GALC: variants seen among roughly 807,000 people sequenced by gnomAD.
The protein encoded by GALC is galactocerebrosidase.
A neutral mutation model predicts 91.8 loss-of-function variants in GALC; 77 were observed. That is an observed-to-expected ratio of 0.84 (90% CI 0.70 to 1.01). The LOEUF is 1.01. Ranked by LOEUF, GALC falls within the 50% of genes least tolerant of loss-of-function variation. The pLI, the probability that GALC is intolerant of heterozygous loss-of-function variation, is 0.00. For missense variants in GALC, 882 were observed against 855.9 expected, an observed-to-expected ratio of 1.03 and a Z score of -0.38; for synonymous variants, 357 against 306.7, an observed-to-expected ratio of 1.16 and a Z score of -1.71.
At chr14:87,993,231 A>T, upstream of GALC, 3 of 1,546,474 alleles carry the variant, frequency 1.9e-6, no homozygotes, top group Admixed American at 2.0e-5. Context: ...AGATACGGGC[A>T]GGAGGCCGCT....
At chr14:87,949,267 A>G (rs1340620357) in intron 12 of GALC, among the ~76,000 whole-genome samples, 1 of 152,066 alleles carries the variant, frequency 6.6e-6, no homozygotes, top group East Asian at 1.9e-4. Flanking sequence ...AAGAGAGGCC[A>G]GTTTAGTAGG....
chr14:87,943,596 A>G (rs943941654), intron 14 of GALC, among the ~76,000 whole-genome samples: 3 of 152,028 alleles, frequency 2.0e-5, no homozygotes, highest in Non-Finnish European at 4.4e-5. Flanking sequence ...TTGTTCTGCC[A>G]CTTACAAGTG....
At chr14:87,992,670 C>A (rs1252430276) in intron 1 of GALC, 11 of 1,438,670 alleles carry the variant, frequency 7.6e-6, no homozygotes, top group Non-Finnish European at 1.0e-5. Context: ...ACGAGGGTTC[C>A]AGCCCCGGCT....
rs189853719 is a variant in GALC at position 87,987,949 on chromosome 14, G to A, written c.328+195C>T. 1.1e-3 allele frequency: 615 copies of A among 573,444 alleles called. 5 individuals are homozygous for A. The highest frequency in any genetic ancestry group is 4.7e-4 in the Non-Finnish European group (154 of 326,264). The allele number at this position is 573,444 out of a possible 1,614,324, so 35.5% of individuals were successfully genotyped here. A position where few individuals can be genotyped will look rare whatever the true frequency, so the allele number is the denominator to read the frequency against. Reference sequence around the variant, plus strand: ...ATAAGCAATTTGAAGTTTGAATATTGTTTTTGATGGACCAGTCATATTCTA... The same window carrying A: ...ATAAGCAATTTGAAGTTTGAATATTATTTTTGATGGACCAGTCATATTCTA... On this transcript the variant is annotated intron_variant, in intron 3 of 16. Transcript: ENST00000261304.
intron 10 of GALC, among the ~76,000 whole-genome samples, chr14:87,956,599 C>T (rs745739474): frequency 0.44 from 51,004 of 116,556 alleles, 9,171 homozygotes; most frequent in Non-Finnish European, 0.5. Context: ...TATATACACA[C>T]ACACACACAC....
chr14:87,945,631 C>A lies in GALC; in HGVS notation c.1592G>T (p.Arg531Leu), dbSNP rs200378205. 2.5e-6 allele frequency: 4 copies of A among 1,610,354 alleles called. No homozygotes were observed. The highest frequency in any genetic ancestry group is 3.4e-6 in the Non-Finnish European group (4 of 1,176,966). The stretch of plus-strand genomic sequence containing the variant: ...AATGGGTCTCTGGTTGAGAACTTGG[C>A]GTAGCGTGAAGTGATGCTCGCCAGG... ...EDPGEHHFTLRQVLNQRPITW... is the reference protein window; with the variant it reads ...EDPGEHHFTLLQVLNQRPITW... The change falls in exon 14 of 17, where the codon CGC becomes CTC. Residue 531 changes from arginine (R) to leucine (L), a missense_variant. Physicochemically the swap from Arg to Leu is moderately radical, Grantham distance 102. Coordinates refer to ENST00000261304, the MANE Select transcript of GALC (RefSeq NM_000153.4).
In GALC at chr14:87,936,914, T is replaced by TATATATATATATATATATATATATATA. The variant is rs60680373; in HGVS notation, c.1912-2037_1912-2036insTATATATATATATATATATATATATAT. Among the ~76,000 whole-genome samples the TATATATATATATATATATATATATATA allele has an allele frequency of 2.6e-3, 274 of 105,582 alleles. 34 individuals are homozygous for TATATATATATATATATATATATATATA. Among genetic ancestry groups the TATATATATATATATATATATATATATA allele is most frequent in the African/African-American group, 9.0e-3 (230 of 25,556 alleles). 69.3% of individuals were successfully genotyped at this position (105,582 alleles called of 152,430 possible). On this transcript the variant is annotated intron_variant, in intron 16 of 16. Coordinates refer to ENST00000261304, the MANE Select transcript of GALC (RefSeq NM_000153.4). ...TCAGGTACTATATATATATATATAT[T>TATATATATATATATATATATATATATA]TATTTATTTTCTCATTGAATCTTCA...
chr14:87,973,878 CAAATG>C (rs762166062), intron 7 of GALC, among the ~76,000 whole-genome samples: 1 of 152,042 alleles, frequency 6.6e-6, no homozygotes, highest in Non-Finnish European at 1.5e-5. Context: ...CAGGCATTGC[CAAATG>C]TCCGTCTGGG....
chr14:87,982,969 G>C (rs1248259813), intron 5 of GALC, among the ~76,000 whole-genome samples: 1 of 152,158 alleles, frequency 6.6e-6, no homozygotes, highest in African/African-American at 2.4e-5. Context: ...CATTACTTGT[G>C]ACTGTACCAT....
In GALC at chr14:87,941,415, T is replaced by C; in HGVS notation, c.1814A>G (p.Tyr605Cys). Residue 605 changes from tyrosine (Y) to cysteine (C), a missense_variant, in exon 15 of 17, where the codon TAC becomes TGC. Tyr to Cys is a radical substitution (Grantham distance 194, BLOSUM62 -2). Transcript: ENST00000261304. ...IFFWIFANGSYRVTGDLAGWI... is the reference protein window; with the variant it reads ...IFFWIFANGSCRVTGDLAGWI... ...GTTACCTAAATCACCTGTAACCCTGTAAGATCCATTTGCAAAAATCCAGAA... is the reference window on the plus strand; with the variant it reads ...GTTACCTAAATCACCTGTAACCCTGCAAGATCCATTTGCAAAAATCCAGAA... 3.1e-6 allele frequency: 5 copies of C among 1,606,662 alleles called. No individual in the cohort carries two copies. Among genetic ancestry groups the C allele is most frequent in the African/African-American group, 1.3e-5 (1 of 74,670 alleles).
At chr14:87,946,110 T>C (rs895150380) in intron 13 of GALC, among the ~76,000 whole-genome samples, 2 of 151,902 alleles carry the variant, frequency 1.3e-5, no homozygotes, top group Non-Finnish European at 2.9e-5. Flanking sequence ...ACAAGAGAAT[T>C]AAAGAAAAGA....
intron 1 of GALC, chr14:87,992,232 T>C: frequency 6.7e-7 from 1 of 1,501,562 alleles, no homozygotes; most frequent in Non-Finnish European, 9.0e-7. Context: ...GAGTTCAACC[T>C]TAACATTTTC....
chr14:87,957,719 A>G (rs1430147405), intron 10 of GALC, among the ~76,000 whole-genome samples: 1 of 152,196 alleles, frequency 6.6e-6, no homozygotes, highest in Non-Finnish European at 1.5e-5. Flanking sequence ...TATACCAATA[A>G]TGACAAAACT....
At chr14:87,992,121 T>A (rs1027718843) in intron 1 of GALC, among the ~76,000 whole-genome samples, 2 of 152,212 alleles carry the variant, frequency 1.3e-5, no homozygotes, top group South Asian at 4.1e-4. Context: ...TTATATCTTG[T>A]GGTCACACTA....
chr14:87,950,745 G>T lies in GALC; in HGVS notation c.1165C>A (p.His389Asn). ...GGCCGTATGCACTTAGAATGTTTATGACTCTGAAAAAAAAAAATCACATAC... is the reference window on the plus strand; with the variant it reads ...GGCCGTATGCACTTAGAATGTTTATTACTCTGAAAAAAAAAAATCACATAC... Reference protein sequence around the residue: ...NLTIIIETMSHKHSKCIRPFL... With the variant: ...NLTIIIETMSNKHSKCIRPFL... Residue 389 changes from histidine to asparagine, a missense_variant, in exon 11 of 17, where the codon CAT becomes AAT. Coordinates refer to ENST00000261304, the MANE Select transcript of GALC (RefSeq NM_000153.4). The T allele has an allele frequency of 1.4e-6, 2 of 1,467,718 alleles. No homozygotes were observed. Among genetic ancestry groups the T allele is most frequent in the South Asian group, 2.3e-5 (2 of 85,658 alleles). The allele number at this position is 1,467,718 out of a possible 1,614,324, so 90.9% of individuals were successfully genotyped here. A position where few individuals can be genotyped will look rare whatever the true frequency, so the allele number is the denominator to read the frequency against.
chr14:87,969,285 C>T (rs982215137), intron 7 of GALC, among the ~76,000 whole-genome samples: 2 of 152,076 alleles, frequency 1.3e-5, no homozygotes, highest in African/African-American at 4.8e-5. Flanking sequence ...ATGCACAGGA[C>T]CAACCCCTAC....
chr14:87,965,438 C>G (rs1885994078), intron 9 of GALC, 67 bp downstream of exon 9: 4 of 1,535,460 alleles, frequency 2.6e-6, no homozygotes, highest in Middle Eastern at 1.7e-4. Context: ...ATAATCTTCT[C>G]TAAGTTTTTT....
intron 2 of GALC, 43 bp downstream of exon 2, chr14:87,988,412 C>G (rs377279375): frequency 2.1e-6 from 3 of 1,430,094 alleles, no homozygotes; most frequent in Non-Finnish European, 3.0e-6. Context: ...CATCCAATTT[C>G]TAAAATATCA....
At chr14:87,953,413 T>C in intron 10 of GALC, 11 of 1,466,300 alleles carry the variant, frequency 7.5e-6, no homozygotes, top group Non-Finnish European at 1.0e-5. Flanking sequence ...AAACCAAGCA[T>C]ATTCTCTTGA....
Sources: allele counts gnomAD v4.1 joint callset (sites outside exome capture counted in the v4.1 genomes callset), GRCh38; gene constraint gnomAD v4.1.1; transcripts MANE v1.5; gene names NCBI Gene and HGNC (gene_info 2026-07-23, HGNC 2026-07-21).